FSTL5: variants seen among roughly 807,000 people sequenced by gnomAD.
The protein encoded by FSTL5 is follistatin like 5, also known as follistatin-related protein 5.
Under a neutral mutation model 89.1 loss-of-function variants are expected in FSTL5, and 62 were observed. The ratio of observed to expected loss-of-function variants is 0.70; its 90% confidence interval spans 0.57 to 0.86. The LOEUF is 0.86. Among genes scored for constraint, FSTL5 ranks in the 40% least tolerant of loss-of-function variants. The probability of loss-of-function intolerance (pLI) is 0.00; values close to 1 mark genes in which losing one functional copy is unlikely to be tolerated. For synonymous variants in FSTL5, 383 were observed against 346.2 expected (o/e 1.11, Z -1.18); for missense variants, 1,057 against 1,001.6 (o/e 1.06, Z -0.75).
chr4:161,852,406 T>C (rs945443305), intron 4 of FSTL5, among the ~76,000 whole-genome samples: 2 of 151,998 alleles, frequency 1.3e-5, no homozygotes, highest in African/African-American at 4.8e-5. Flanking sequence ...CAAAACCACA[T>C]TGAGATACCA....
intron 8 of FSTL5, among the ~76,000 whole-genome samples, chr4:161,584,991 G>T (rs1227144397): frequency 6.6e-6 from 1 of 152,120 alleles, no homozygotes; most frequent in Non-Finnish European, 1.5e-5. Flanking sequence ...AATTCCTCTT[G>T]ATTAATTCAT....
At chr4:161,453,280 G>C (rs962790872) in intron 15 of FSTL5, among the ~76,000 whole-genome samples, 2 of 151,870 alleles carry the variant, frequency 1.3e-5, no homozygotes, top group Non-Finnish European at 2.9e-5. Flanking sequence ...ACAGTAATAG[G>C]GAATAGGCAA....
chr4:161,892,466 A>G (rs780425467), intron 4 of FSTL5, among the ~76,000 whole-genome samples: 1 of 150,312 alleles, frequency 6.7e-6, no homozygotes, highest in Non-Finnish European at 1.5e-5. Context: ...ACTCACTACT[A>G]TAGGAACACC....
At chr4:161,943,147 A>C (rs1734637456) in intron 3 of FSTL5, among the ~76,000 whole-genome samples, 1 of 152,134 alleles carries the variant, frequency 6.6e-6, no homozygotes, top group African/African-American at 2.4e-5. Flanking sequence ...CTGTACATTG[A>C]AAATTATAAC....
At chr4:161,922,283 C>T (rs1233248697) in intron 3 of FSTL5, among the ~76,000 whole-genome samples, 4 of 151,776 alleles carry the variant, frequency 2.6e-5, no homozygotes, top group African/African-American at 2.4e-5. Context: ...TCCGATGTAT[C>T]TCCAATGTTA....
chr4:162,155,592 A>G (rs35639333), intron 1 of FSTL5, among the ~76,000 whole-genome samples: 1 of 152,222 alleles, frequency 6.6e-6, no homozygotes, highest in African/African-American at 2.4e-5. Flanking sequence ...ATGAGATCCA[A>G]AGTGACACTG....
chr4:161,519,493 T>C (rs1033206766), intron 10 of FSTL5, among the ~76,000 whole-genome samples: 4 of 152,010 alleles, frequency 2.6e-5, no homozygotes, highest in Non-Finnish European at 5.9e-5. Context: ...TCCACTGCAC[T>C]CCAGCCTGGG....
At chr4:161,690,756 GTTTAACCTAGTA>G (rs2126718972) in intron 6 of FSTL5, among the ~76,000 whole-genome samples, 1 of 152,052 alleles carries the variant, frequency 6.6e-6, no homozygotes, top group African/African-American at 2.4e-5. Flanking sequence ...TTGCTCTCAT[GTTTAACCTAGTA>G]CCCATTAGTC....
At chr4:162,124,572 C>A (rs916436103) in intron 1 of FSTL5, among the ~76,000 whole-genome samples, 9 of 152,154 alleles carry the variant, frequency 5.9e-5, no homozygotes, top group Non-Finnish European at 1.2e-4. Context: ...AGATAAAAGT[C>A]TCTTTAATGA....
At chr4:161,991,094 TATC>T (rs1283785208) in intron 3 of FSTL5, among the ~76,000 whole-genome samples, 3 of 152,268 alleles carry the variant, frequency 2.0e-5, no homozygotes, top group African/African-American at 7.2e-5. Context: ...AATTCAGAAA[TATC>T]ATCGACATAA....
At chr4:161,641,233 C>G (rs1372342190) in intron 7 of FSTL5, among the ~76,000 whole-genome samples, 1 of 152,118 alleles carries the variant, frequency 6.6e-6, no homozygotes, top group Non-Finnish European at 1.5e-5. Flanking sequence ...AAGGTAAATG[C>G]AAGGACATTG....
intron 3 of FSTL5, among the ~76,000 whole-genome samples, chr4:161,978,760 GA>G (rs1490516113): frequency 4.6e-5 from 7 of 151,988 alleles, no homozygotes; most frequent in African/African-American, 1.7e-4. Context: ...TTGTCTTCTA[GA>G]ATTTTCTACA....
chr4:162,015,809 GC>G (rs1424726680), intron 3 of FSTL5, among the ~76,000 whole-genome samples: 4 of 152,020 alleles, frequency 2.6e-5, no homozygotes, highest in African/African-American at 7.3e-5. Context: ...CCATAAAATA[GC>G]ATGTCAGCTT....
At chr4:161,739,571 T>C (rs1739932816) in intron 6 of FSTL5, among the ~76,000 whole-genome samples, 1 of 152,182 alleles carries the variant, frequency 6.6e-6, no homozygotes, top group South Asian at 2.1e-4. Flanking sequence ...AATCAAATAT[T>C]TGGACAAAGC....
intron 15 of FSTL5, among the ~76,000 whole-genome samples, chr4:161,420,262 G>T (rs2126310367): frequency 6.6e-6 from 1 of 152,336 alleles, no homozygotes; most frequent in African/African-American, 2.4e-5. Context: ...GATACAGAAT[G>T]AGTAGTGGAA....
chr4:162,095,075 A>G (rs920121239), intron 2 of FSTL5, among the ~76,000 whole-genome samples: 3 of 152,126 alleles, frequency 2.0e-5, no homozygotes, highest in African/African-American at 7.2e-5. Flanking sequence ...GCCAGCATCA[A>G]TATTCTCTTA....
chr4:162,061,918 A>G (rs1169719617), intron 2 of FSTL5, among the ~76,000 whole-genome samples: 1 of 152,038 alleles, frequency 6.6e-6, no homozygotes, highest in Non-Finnish European at 1.5e-5. Context: ...TTCTGTTTTT[A>G]ACTTCCTTTT....
chr4:161,547,161 C>T (rs1306072628), intron 8 of FSTL5, among the ~76,000 whole-genome samples: 2 of 151,998 alleles, frequency 1.3e-5, no homozygotes, highest in Non-Finnish European at 2.9e-5. Flanking sequence ...TGCCAATAGC[C>T]ACGTGAGTGA....
At chr4:161,778,242 A>C (rs1236171449) in intron 4 of FSTL5, among the ~76,000 whole-genome samples, 2 of 152,250 alleles carry the variant, frequency 1.3e-5, no homozygotes. Flanking sequence ...AATGGCATGT[A>C]TACTGCTTAC....
Sources: gnomAD v4.1 joint callset for allele counts (sites outside exome capture counted in the v4.1 genomes callset) on GRCh38, gnomAD v4.1.1 for gene constraint, MANE v1.5 for transcripts, NCBI Gene and HGNC (gene_info 2026-07-23, HGNC 2026-07-21) for gene names.